LEMD1: variants seen among roughly 807,000 people sequenced by gnomAD.
The protein encoded by LEMD1 is LEM domain containing 1.
LEMD1 carries 18 observed loss-of-function variants against 17.4 expected under a neutral mutation model. That is an observed-to-expected ratio of 1.04 (90% confidence interval 0.72 to 1.54). The LOEUF is 1.54. Among genes scored for constraint, LEMD1 ranks in the 40% most tolerant of loss-of-function variants. The pLI, the probability that LEMD1 is intolerant of heterozygous loss-of-function variation, is 0.00. For synonymous variants in LEMD1, 88 were observed against 77.8 expected, an observed-to-expected ratio of 1.13 and a Z score of -0.69; for missense variants, 195 against 210.4, an observed-to-expected ratio of 0.93 and a Z score of 0.45.
intron 1 of LEMD1, chr1:205,437,106 T>C (rs1402557924): frequency 6.6e-6 from 1 of 152,506 alleles, no homozygotes; most frequent in Non-Finnish European, 1.5e-5. Flanking sequence ...GCAAAATGCA[T>C]ATTCAGTCTG....
intron 1 of LEMD1, among the ~76,000 whole-genome samples, chr1:205,430,941 C>G (rs183577431): frequency 2.5e-3 from 385 of 152,322 alleles, no homozygotes; most frequent in African/African-American, 8.9e-3. Context: ...CCTCACCCCT[C>G]GCTCCCTACC....
chr1:205,384,527 A>G (rs1403296493), intron 4 of LEMD1, among the ~76,000 whole-genome samples, 163 bp from the exon 5 acceptor site: 1 of 152,238 alleles, frequency 6.6e-6, no homozygotes, highest in Non-Finnish European at 1.5e-5. Flanking sequence ...TTATTCAAGA[A>G]TTAGCAAAAA....
At chr1:205,423,321 T>C (rs1218641644), upstream of LEMD1, among the ~76,000 whole-genome samples, 1 of 152,184 alleles carries the variant, frequency 6.6e-6, no homozygotes, top group East Asian at 1.9e-4. Flanking sequence ...AAACAAAGAC[T>C]TTGAAAATTG....
rs1666434914 is a variant in LEMD1, at chr1:205,448,157, G to T, written c.-39+1711C>A. On this transcript the variant is annotated intron_variant, in intron 1 of 3. Transcript: ENST00000367154. This position sits in a 1 kb window ranked among gnomAD's most constrained non-coding sequence, Gnocchi z 4.7. The stretch of plus-strand genomic sequence containing the variant: ...GAGGAAACAGGGCCAGAAGGGAAGT[G>T]ACTGGGCCAAGGTCACACGGCTTAG... 2.7e-6 allele frequency: 1 copy of T among 367,260 alleles called. No homozygotes were observed. The highest frequency in any genetic ancestry group is 5.5e-6 in the Non-Finnish European group (1 of 182,514). 22.8% of individuals were successfully genotyped at this position (367,260 alleles called of 1,614,324 possible). A position where few individuals can be genotyped will look rare whatever the true frequency, so the allele number is the denominator to read the frequency against.
At chr1:205,434,110 TA>T (rs1351043129) in intron 1 of LEMD1, among the ~76,000 whole-genome samples, 2 of 152,200 alleles carry the variant, frequency 1.3e-5, no homozygotes, top group Non-Finnish European at 2.9e-5. Context: ...TTCTCTCTTT[TA>T]TAAGTCTGAA....
upstream of LEMD1, among the ~76,000 whole-genome samples, chr1:205,426,333 T>C (rs565555389): frequency 2.0e-5 from 3 of 152,316 alleles, no homozygotes; most frequent in South Asian, 6.2e-4. Flanking sequence ...ACATGTAAGA[T>C]GTAGTTCTTC....
intron 4 of LEMD1, among the ~76,000 whole-genome samples, chr1:205,414,420 CA>C (rs11453227): frequency 1.0e-4 from 14 of 140,418 alleles, no homozygotes; most frequent in African/African-American, 1.6e-4. Context: ...CCTGTCTCTA[CA>C]AAAAAAAAAA....
chr1:205,447,788 A>C (rs967676290), intron 1 of LEMD1, among the ~76,000 whole-genome samples: 10 of 152,060 alleles, frequency 6.6e-5, no homozygotes, highest in Non-Finnish European at 1.3e-4. Flanking sequence ...CACTCTGCAG[A>C]CACCTCCTCT....
At chr1:205,436,908 A>G (rs1666218560) in intron 1 of LEMD1, 1 of 152,248 alleles carries the variant, frequency 6.6e-6, no homozygotes, top group African/African-American at 2.4e-5. Context: ...TGCCCTTTAT[A>G]ATGCGTGCCT....
In LEMD1 at chr1:205,448,860, G is replaced by A. The variant is rs1376454707; in HGVS notation, c.-39+1008C>T. Among the ~76,000 whole-genome samples the A allele has an allele frequency of 1.3e-5, 2 of 152,170 alleles. No individual in the cohort carries two copies. Among genetic ancestry groups the A allele is most frequent in the African/African-American group, 4.8e-5 (2 of 41,442 alleles). ...AGCCACTGGAAGCACAGAGGGCAAA[G>A]GAGGGTCTGGGTAAAGGAGGGCAGC... On this transcript the variant is annotated intron_variant, in intron 1 of 3. Transcript: ENST00000367154. This position sits in a 1 kb window ranked among gnomAD's most constrained non-coding sequence, Gnocchi z 4.7.
At chr1:205,390,258 G>A (rs1421296192) in intron 4 of LEMD1, among the ~76,000 whole-genome samples, 1 of 152,004 alleles carries the variant, frequency 6.6e-6, no homozygotes, top group Non-Finnish European at 1.5e-5. Flanking sequence ...GGGAGGCTGG[G>A]GCAGGAGAAT....
intron 2 of LEMD1, among the ~76,000 whole-genome samples, chr1:205,420,122 A>G (rs1665892883): frequency 6.6e-6 from 1 of 152,130 alleles, no homozygotes; most frequent in Non-Finnish European, 1.5e-5. Flanking sequence ...GTTCGAGACA[A>G]GCCTGGCCAA....
intron 4 of LEMD1, among the ~76,000 whole-genome samples, chr1:205,398,403 G>A (rs1015096235): frequency 6.6e-6 from 1 of 152,150 alleles, no homozygotes; most frequent in African/African-American, 2.4e-5. Flanking sequence ...CCTTTGGGGT[G>A]GGCCCTGCAC....
At chr1:205,386,248 G>C (rs1574939385) in intron 4 of LEMD1, 2 of 152,466 alleles carry the variant, frequency 1.3e-5, no homozygotes, top group Admixed American at 1.3e-4. Context: ...CCCAGTACAG[G>C]TCACCAATGA....
At chr1:205,400,932 T>C (rs1368098499) in intron 4 of LEMD1, among the ~76,000 whole-genome samples, 1 of 147,298 alleles carries the variant, frequency 6.8e-6, no homozygotes, top group Non-Finnish European at 1.5e-5. Flanking sequence ...CATCTATGAG[T>C]GAGAACATGT....
chr1:205,412,046 C>T (rs1161559194), intron 4 of LEMD1, among the ~76,000 whole-genome samples: 1 of 152,188 alleles, frequency 6.6e-6, no homozygotes, highest in Non-Finnish European at 1.5e-5. Flanking sequence ...CCAAGATAGT[C>T]CCAGTTTACT....
intron 3 of LEMD1, among the ~76,000 whole-genome samples, chr1:205,418,708 G>T (rs1477446714): frequency 6.6e-6 from 1 of 152,164 alleles, no homozygotes; most frequent in Non-Finnish European, 1.5e-5. Flanking sequence ...TAGAGACGAG[G>T]TTTCACCATG....
chr1:205,405,986 T>G (rs1210716659), intron 4 of LEMD1, among the ~76,000 whole-genome samples: 1 of 152,242 alleles, frequency 6.6e-6, no homozygotes, highest in Admixed American at 6.5e-5. Flanking sequence ...CCCGTTTGCC[T>G]GGGTATCAGC....
intron 1 of LEMD1, chr1:205,437,109 TC>T: frequency 6.6e-6 from 1 of 152,628 alleles, no homozygotes; most frequent in East Asian, 1.9e-4. Flanking sequence ...AAATGCATAT[TC>T]AGTCTGTAGA....
Sources: allele counts gnomAD v4.1 joint callset (sites outside exome capture counted in the v4.1 genomes callset), GRCh38; gene constraint gnomAD v4.1.1; non-coding constraint Gnocchi (gnomAD v3.1); transcripts MANE v1.5; gene names NCBI Gene and HGNC (gene_info 2026-07-23, HGNC 2026-07-21).